Variants in FBXW5 observed in about 807,000 individuals in gnomAD.
FBXW5 encodes the protein F-box/WD repeat-containing protein 5.
Under a neutral mutation model 50.9 loss-of-function variants are expected in FBXW5, and 74 were observed. The observed-to-expected ratio is 1.45, with a 90% CI of 1.20 to 1.76. The LOEUF (loss-of-function observed/expected upper bound fraction) is 1.76, where lower values mean the gene tolerates loss of function less well. Among genes scored for constraint, FBXW5 ranks in the 40% most tolerant of loss-of-function variants. The pLI is 0.00. For synonymous variants in FBXW5, 523 were observed against 362.2 expected (o/e 1.44, Z -5.04); for missense variants, 1,073 against 818.8 (o/e 1.31, Z -3.79).
At position 136,940,747 on chromosome 9, in the gene FBXW5, C is replaced by A; in HGVS notation, c.*181G>T. On this transcript the variant is annotated 3_prime_UTR_variant, in exon 9 of 9. Transcript: ENST00000325285. ...CTTGGGCTCCATCTGCACTGGCCAC[C>A]CCGTGCCAAGCATCACAGCTGCGTG... 9.5e-7 allele frequency: 1 copy of A among 1,054,222 alleles called. No individual in the cohort carries two copies. The highest frequency in any genetic ancestry group is 1.3e-6 in the Non-Finnish European group (1 of 750,578). 65.3% of individuals were successfully genotyped at this position (1,054,222 alleles called of 1,614,324 possible).
Position 136,942,444 on chromosome 9 carries a change from T to A in FBXW5, c.698A>T (p.Asn233Ile). The A allele has an allele frequency of 1.2e-6, 2 of 1,600,946 alleles. No homozygotes were observed. Among genetic ancestry groups the A allele is most frequent in the Admixed American group, 1.7e-5 (1 of 59,662 alleles). ...AFQDVESENV[N>I]VVKRLFKIQN... Reference sequence around the variant, plus strand: ...GATCTTGAACAGCCGCTTCACCACGTTGACGTTCTCTGACTCCACATCCTG... The same window carrying A: ...GATCTTGAACAGCCGCTTCACCACGATGACGTTCTCTGACTCCACATCCTG... The change falls in exon 6 of 9, where the codon AAC becomes ATC. Residue 233 changes from asparagine to isoleucine, a missense_variant. By Grantham distance (149) the Asn-to-Ile change is moderately radical. Transcript: ENST00000325285.
rs899706301 is a variant in FBXW5 at position 136,943,520 on chromosome 9, G to A, written c.194-14C>T. On this transcript the variant is annotated splice_polypyrimidine_tract_variant and intron_variant, in intron 2 of 8. Transcript: ENST00000325285. ...AGGACATGGCCGCTGCGGGTGGGCAGTTGTCAGTCCTGGGCCCGGGCCTTC... is the reference window on the plus strand; with the variant it reads ...AGGACATGGCCGCTGCGGGTGGGCAATTGTCAGTCCTGGGCCCGGGCCTTC... 4 of 1,604,338 alleles carry A rather than the reference G, an allele frequency of 2.5e-6. No homozygotes were observed. Among genetic ancestry groups the A allele is most frequent in the Middle Eastern group, 1.7e-4 (1 of 5,956 alleles).
rs369341027 is a variant in FBXW5 at position 136,943,415 on chromosome 9, G to C, written c.285C>G (p.Val95=). The change falls in exon 3 of 9, where the codon GTC becomes GTG. Residue 95 remains valine (V), a synonymous_variant. Transcript: ENST00000325285. The part of the protein sequence containing the change: ...VQTLREHTDQ[V]LHLSFSHSGY... ...CGGAATGGGAGAAGCTGAGGTGCAG[G>C]ACCTGGTCTGTGTGTTCCCGCAGCG... 1 of 1,612,800 alleles carries C rather than the reference G, an allele frequency of 6.2e-7. No individual in the cohort carries two copies. Among genetic ancestry groups the C allele is most frequent in the African/African-American group, 1.3e-5 (1 of 74,932 alleles).
At position 136,943,906 on chromosome 9, in the gene FBXW5, C is replaced by A; in HGVS notation, c.178G>T (p.Val60Leu). The change falls in exon 2 of 9, where the codon GTG (valine) becomes TTG (leucine). Residue 60 changes from valine (V) to leucine (L), a missense_variant. Val to Leu is a conservative substitution (Grantham distance 32). Coordinates refer to ENST00000325285, the MANE Select transcript of FBXW5 (RefSeq NM_018998.4). Reference sequence around the variant, plus strand: ...CGCCACTGACCTGGGTGTCGGGGCACGTCGCGGGCCACCTGGTAGTAGCGG... The same window carrying A: ...CGCCACTGACCTGGGTGTCGGGGCAAGTCGCGGGCCACCTGGTAGTAGCGG... The part of the protein sequence containing the change: ...FYRYYQVARD[V>L]PRHPAAMSWY... 6.5e-7 allele frequency: 1 copy of A among 1,550,086 alleles called. No individual in the cohort carries two copies. Among genetic ancestry groups the A allele is most frequent in the Non-Finnish European group, 8.7e-7 (1 of 1,146,940 alleles).
At chr9:136,941,928 C>T (rs759559540) in intron 6 of FBXW5, 118 bp downstream of exon 6, 45 of 1,446,590 alleles carry the variant, frequency 3.1e-5, no homozygotes, top group South Asian at 2.4e-4. Flanking sequence ...ACCCCAGGGG[C>T]GAGTGAACGA....
chr9:136,943,090 C>G, intron 3 of FBXW5, 147 bp from the exon 4 acceptor site: 1 of 1,305,256 alleles, frequency 7.7e-7, no homozygotes, highest in Non-Finnish European at 1.1e-6. Context: ...GTCATCCACT[C>G]GGGGGGCATT....
chr9:136,944,069 G>A lies in FBXW5; in HGVS notation c.15C>T (p.Gly5=), dbSNP rs1850932774. Residue 5 remains glycine, a synonymous_variant, in exon 2 of 9, where the codon GGC becomes GGT. Transcript: ENST00000325285. MDEG[G]TPLLPDSLVY... ...CCAGGCTGTCGGGGAGCAGGGGCGT[G>A]CCGCCCTCGTCCATCGTGACATTCT... 6.3e-7 allele frequency: 1 copy of A among 1,597,338 alleles called. No homozygotes were observed. The highest frequency in any genetic ancestry group is 1.1e-5 in the South Asian group (1 of 88,536).
Position 136,941,041 on chromosome 9 carries a change from T to C in FBXW5, c.1588A>G (p.Ser530Gly). 1 of 1,554,678 alleles carries C rather than the reference T, an allele frequency of 6.4e-7. No homozygotes were observed. Among genetic ancestry groups the C allele is most frequent in the Non-Finnish European group, 8.7e-7 (1 of 1,149,008 alleles). ...CAGGCTTTGATGGTGGCGTCGTCGC[T>C]GGCCGTGAGCAGCAGCTCCTGCTCC... is the stretch of plus-strand genomic sequence containing the variant. Reference protein sequence around the residue: ...PQEQELLLTASDDATIKAWRS... With the variant: ...PQEQELLLTAGDDATIKAWRS... Residue 530 changes from serine to glycine, a missense_variant, in exon 9 of 9, where the codon AGC becomes GGC. Ser to Gly is a moderately conservative substitution (Grantham distance 56). Coordinates refer to ENST00000325285, the MANE Select transcript of FBXW5 (RefSeq NM_018998.4).
rs377034098 is a variant in FBXW5 at position 136,944,078 on chromosome 9, G to C, written c.6C>G (p.Asp2Glu). ...CGGGGAGCAGGGGCGTGCCGCCCTC[G>C]TCCATCGTGACATTCTGCCCAGGCG... Reference protein sequence around the residue: MDEGGTPLLPDS... With the variant: MEEGGTPLLPDS... The change falls in exon 2 of 9, where the codon GAC becomes GAG. Residue 2 changes from aspartate to glutamate, a missense_variant. Physicochemically the swap from Asp to Glu is conservative, Grantham distance 45. Coordinates refer to ENST00000325285, the MANE Select transcript of FBXW5 (RefSeq NM_018998.4). The C allele has an allele frequency of 5.0e-6, 8 of 1,592,682 alleles. No individual in the cohort carries two copies. The African/African-American group carries it at 9.4e-5, about 19-fold the overall frequency.
chr9:136,944,466 C>A (rs7859131), intron 1 of FBXW5, 128 bp downstream of exon 1: 675,782 of 976,280 alleles, frequency 0.69, 235,775 homozygotes, highest in African/African-American at 0.91. Context: ...GGCCCTGGAG[C>A]AGCTCTGCCC....
rs758152325 is a variant in FBXW5 at position 136,941,033 on chromosome 9, G to A, written c.1596C>T (p.Asp532=). 60 of 1,553,322 alleles carry A rather than the reference G, an allele frequency of 3.9e-5. No homozygotes were observed. The highest frequency in any genetic ancestry group is 4.9e-5 in the Non-Finnish European group (56 of 1,148,334). ...EQELLLTASD[D]ATIKAWRSPR... ...GGGAGCGCCAGGCTTTGATGGTGGC[G>A]TCGTCGCTGGCCGTGAGCAGCAGCT... Residue 532 remains aspartate (D), a synonymous_variant, in exon 9 of 9, where the codon GAC becomes GAT. Coordinates refer to ENST00000325285, the MANE Select transcript of FBXW5 (RefSeq NM_018998.4).
In FBXW5 at chr9:136,941,333, C is replaced by T; in HGVS notation, c.1375G>A (p.Ala459Thr). ...DLKTMREVRR[A>T]LRAHRAYTPN... ...GTGTAGGCGCGGTGCGCACGCAGAG[C>T]CCGCCTCACCTCCCGCATGGTCTTG... The change falls in exon 8 of 9, where the codon GCT becomes ACT. Residue 459 changes from alanine (A) to threonine (T), a missense_variant. Physicochemically the swap from Ala to Thr is moderately conservative, Grantham distance 58. Transcript: ENST00000325285. The T allele has an allele frequency of 6.2e-7, 1 of 1,611,060 alleles. No homozygotes were observed. The highest frequency in any genetic ancestry group is 1.1e-5 in the South Asian group (1 of 91,090).
Position 136,944,160 on chromosome 9 carries a change from G to A in FBXW5, c.-23-54C>T, listed in dbSNP as rs1850937650. On this transcript the variant is annotated intron_variant, in intron 1 of 8. Coordinates refer to ENST00000325285, the MANE Select transcript of FBXW5 (RefSeq NM_018998.4). ...CCAGGCCCGGGAAGGGAGGCCGAGAGCGGGCGTCCTGTTCCTCCAGCCCCA... is the reference window on the plus strand; with the variant it reads ...CCAGGCCCGGGAAGGGAGGCCGAGAACGGGCGTCCTGTTCCTCCAGCCCCA... The A allele has an allele frequency of 7.5e-6, 11 of 1,471,434 alleles. No individual in the cohort carries two copies. The South Asian group carries it at 1.3e-4, about 18-fold the overall frequency. 91.1% of individuals were successfully genotyped at this position (1,471,434 alleles called of 1,614,324 possible). A position where few individuals can be genotyped will look rare whatever the true frequency, so the allele number is the denominator to read the frequency against.
chr9:136,942,675 G>A lies in FBXW5; in HGVS notation c.547C>T (p.Arg183Cys), dbSNP rs778462523. The change falls in exon 5 of 9, where the codon CGC becomes TGC. Residue 183 changes from arginine (R) to cysteine (C), a missense_variant. Physicochemically the swap from Arg to Cys is radical, Grantham distance 180. Transcript: ENST00000325285. ...ACGTCATAGGGCTTGTTCCGCACGCGGGACAGCAGCGCGAAGGAGTCTGTG... is the reference window on the plus strand; with the variant it reads ...ACGTCATAGGGCTTGTTCCGCACGCAGGACAGCAGCGCGAAGGAGTCTGTG... The part of the protein sequence containing the change: ...ISLDSFALLS[R>C]VRNKPYDVFG... 1.4e-5 allele frequency: 22 copies of A among 1,610,714 alleles called. No individual in the cohort carries two copies. Among genetic ancestry groups the A allele is most frequent in the Middle Eastern group, 3.3e-4 (2 of 6,060 alleles).
In FBXW5 at chr9:136,942,437, C is replaced by T; in HGVS notation, c.705G>A (p.Val235=). ...GGTTCTGGATCTTGAACAGCCGCTT[C>T]ACCACGTTGACGTTCTCTGACTCCA... is the stretch of plus-strand genomic sequence containing the variant. ...QDVESENVNV[V]KRLFKIQNLN... is the part of the protein sequence containing the mutation. Residue 235 remains valine (V), a synonymous_variant, in exon 6 of 9, where the codon GTG becomes GTA. Transcript: ENST00000325285. 1 of 1,601,666 alleles carries T rather than the reference C, an allele frequency of 6.2e-7. No homozygotes were observed. Among genetic ancestry groups the T allele is most frequent in the Non-Finnish European group, 8.5e-7 (1 of 1,171,302 alleles).
Position 136,942,534 on chromosome 9 carries a change from G to T in FBXW5, c.675+13C>A. 6.2e-7 allele frequency: 1 copy of T among 1,608,186 alleles called. No homozygotes were observed. Among genetic ancestry groups the T allele is most frequent in the South Asian group, 1.1e-5 (1 of 91,004 alleles). The stretch of plus-strand genomic sequence containing the variant: ...CCCCAGGAGGGCAGCCCCGCCCCTA[G>T]CCCCGCACGCACCTGGAAGGCATTG... On this transcript the variant is annotated intron_variant, in intron 5 of 8. Transcript: ENST00000325285.
intron 3 of FBXW5, 89 bp downstream of exon 3, chr9:136,943,260 A>ACC: frequency 1.9e-6 from 1 of 522,890 alleles, no homozygotes; most frequent in Non-Finnish European, 3.0e-6. Context: ...CCCCCCCCCC[A>ACC]CCACCACCTG....
At chr9:136,943,839 G>T in intron 2 of FBXW5, 52 bp downstream of exon 2, 1 of 1,532,390 alleles carries the variant, frequency 6.5e-7, no homozygotes, top group South Asian at 1.2e-5. Context: ...CAAGCGCAGG[G>T]GCCCGGGGCC....
rs768895155 is a variant in FBXW5 at position 136,941,545 on chromosome 9, G to A, written c.1236C>T (p.Pro412=). ...HGHIIGMGLS[P]DNRYLYVNSR... is the part of the protein sequence containing the mutation. ...ACTGGCAAGAGGCCCACCTGTTGTC[G>A]GGCGACAGGCCCATGCCGATGATGT... Residue 412 remains proline, a synonymous_variant, in exon 7 of 9, where the codon CCC becomes CCT. Coordinates refer to ENST00000325285, the MANE Select transcript of FBXW5 (RefSeq NM_018998.4). 27 of 1,610,344 alleles carry A rather than the reference G, an allele frequency of 1.7e-5. No homozygotes were observed. Among genetic ancestry groups the A allele is most frequent in the Middle Eastern group, 1.6e-4 (1 of 6,082 alleles).
Sources: allele counts gnomAD v4.1 joint callset, GRCh38; gene constraint gnomAD v4.1.1; transcripts MANE v1.5; gene names NCBI Gene and HGNC (gene_info 2026-07-23, HGNC 2026-07-21).